NXPE2: variants seen among roughly 807,000 people sequenced by gnomAD.
The protein encoded by NXPE2 is neurexophilin and PC-esterase domain family member 2.
Under a neutral mutation model 34.4 loss-of-function variants are expected in NXPE2, and 34 were observed. The ratio of observed to expected loss-of-function variants is 0.99; its 90% confidence interval spans 0.75 to 1.31. NXPE2 has a LOEUF of 1.31. Among genes scored for constraint, NXPE2 ranks in the 40% most tolerant of loss-of-function variants. NXPE2 has a pLI of 0.00. For missense variants in NXPE2, 649 were observed against 672.5 expected (o/e 0.97, Z 0.39); for synonymous variants, 235 against 231.3 (o/e 1.02, Z -0.15).
chr11:114,529,098 G>A, the NXPE2 span: 1 of 327,778 alleles, frequency 3.1e-6, no homozygotes, highest in Non-Finnish European at 5.5e-6. Context: ...GAAAGCTTAT[G>A]GAAAAAAGAC....
At chr11:114,762,389 G>A in the NXPE2 span, among the ~76,000 whole-genome samples, 1 of 152,202 alleles carries the variant, frequency 6.6e-6, no homozygotes, top group African/African-American at 2.4e-5. Flanking sequence ...GACAGTCTGT[G>A]AGGCAATGAG....
the NXPE2 span, among the ~76,000 whole-genome samples, chr11:114,751,115 A>G: frequency 6.6e-6 from 1 of 152,270 alleles, no homozygotes; most frequent in Admixed American, 6.5e-5. Flanking sequence ...GGGGATAGAG[A>G]CCGAAGAAGC....
chr11:114,704,139 C>T lies in NXPE2; in HGVS notation c.928+87C>T, dbSNP rs542788239. On this transcript the variant is annotated intron_variant, in intron 4 of 5. Coordinates refer to ENST00000389586, the MANE Select transcript of NXPE2 (RefSeq NM_182495.6). ...CTTAGAGATATTTATTCCACATTAA[C>T]GATTTGATCTCTCATTTCCTGGGAC... The T allele has an allele frequency of 7.4e-5, 71 of 954,198 alleles. 1 individual carries two copies. The highest frequency in any genetic ancestry group is 2.5e-4 in the African/African-American group (15 of 60,918). 59.1% of individuals were successfully genotyped at this position (954,198 alleles called of 1,614,324 possible). A position where few individuals can be genotyped will look rare whatever the true frequency, so the allele number is the denominator to read the frequency against.
the NXPE2 span, among the ~76,000 whole-genome samples, chr11:114,624,844 G>A: frequency 0.092 from 13,931 of 152,130 alleles, 747 homozygotes; most frequent in Middle Eastern, 0.2. Context: ...GTTACCTGGT[G>A]GATAATAAGT....
At chr11:114,724,314 T>A in the NXPE2 span, among the ~76,000 whole-genome samples, 1 of 152,038 alleles carries the variant, frequency 6.6e-6, no homozygotes, top group South Asian at 2.1e-4. Context: ...CACCCCTGAG[T>A]GGACTGCAGA....
chr11:114,530,511 A>AC, the NXPE2 span: 1 of 1,613,900 alleles, frequency 6.2e-7, no homozygotes, highest in South Asian at 1.1e-5. Context: ...AGTGAAGCTG[A>AC]CCAGGTAGGT....
the NXPE2 span, among the ~76,000 whole-genome samples, chr11:114,538,045 T>C: frequency 6.6e-6 from 1 of 152,174 alleles, no homozygotes; most frequent in Non-Finnish European, 1.5e-5. Context: ...AAGGCTACAG[T>C]AACCAAAACA....
At chr11:114,552,763 T>C in the NXPE2 span, 4 of 418,496 alleles carry the variant, frequency 9.6e-6, no homozygotes, top group Non-Finnish European at 1.3e-5. Flanking sequence ...AAAAAAAGTA[T>C]GATTGCTATT....
At chr11:114,805,932 G>C in the NXPE2 span, among the ~76,000 whole-genome samples, 26 of 152,172 alleles carry the variant, frequency 1.7e-4, no homozygotes, top group African/African-American at 6.3e-4. Flanking sequence ...TAGCATAACT[G>C]GGAGGCACCC....
At chr11:114,735,089 A>G in the NXPE2 span, among the ~76,000 whole-genome samples, 55 of 152,102 alleles carry the variant, frequency 3.6e-4, 1 homozygote, top group Middle Eastern at 3.2e-3. Flanking sequence ...TAGCCTGGGC[A>G]ACAGAGCAAG....
At chr11:114,794,293 T>G in the NXPE2 span, among the ~76,000 whole-genome samples, 1 of 152,172 alleles carries the variant, frequency 6.6e-6, no homozygotes, top group Non-Finnish European at 1.5e-5. Context: ...TGGCTCTCAT[T>G]CTAGATGAAG....
chr11:114,503,625 T>G, the NXPE2 span, among the ~76,000 whole-genome samples: 1 of 151,910 alleles, frequency 6.6e-6, no homozygotes, highest in Non-Finnish European at 1.5e-5. Flanking sequence ...TAAAGAGGTA[T>G]AAAGTTTAAA....
chr11:114,702,469 C>T (rs1471731765), intron 3 of NXPE2, among the ~76,000 whole-genome samples: 1 of 152,144 alleles, frequency 6.6e-6, no homozygotes, highest in South Asian at 2.1e-4. Flanking sequence ...ACAAATCTTA[C>T]TCTTGTGCCA....
At chr11:114,600,025 A>G in the NXPE2 span, among the ~76,000 whole-genome samples, 2 of 152,178 alleles carry the variant, frequency 1.3e-5, no homozygotes, top group Non-Finnish European at 2.9e-5. Flanking sequence ...CAACTAACAA[A>G]TATGGCAAAA....
At chr11:114,582,169 C>A in the NXPE2 span, 2 of 1,063,572 alleles carry the variant, frequency 1.9e-6, no homozygotes, top group Non-Finnish European at 1.3e-6. Context: ...GATCCTTTCC[C>A]CAAAGGCTCT....
the NXPE2 span, among the ~76,000 whole-genome samples, chr11:114,544,517 C>T: frequency 2.6e-5 from 4 of 152,018 alleles, no homozygotes; most frequent in Admixed American, 1.3e-4. Flanking sequence ...AACAATTAGA[C>T]GTTCATACAT....
At chr11:114,581,725 T>C in the NXPE2 span, 2 of 1,610,634 alleles carry the variant, frequency 1.2e-6, no homozygotes, top group East Asian at 2.2e-5. Flanking sequence ...GAGTACTTAC[T>C]GTTGCATTTG....
the NXPE2 span, chr11:114,551,979 C>T: frequency 6.6e-6 from 1 of 152,154 alleles, no homozygotes. Context: ...CTTACCAAAT[C>T]CTCAGTGAAG....
chr11:114,560,488 A>T, the NXPE2 span, among the ~76,000 whole-genome samples: 2 of 151,880 alleles, frequency 1.3e-5, no homozygotes, highest in Non-Finnish European at 2.9e-5. Flanking sequence ...GCTGGTCTTG[A>T]ACTCCTGGGC....
Sources: gnomAD v4.1 joint callset for allele counts (sites outside exome capture counted in the v4.1 genomes callset) on GRCh38, gnomAD v4.1.1 for gene constraint, MANE v1.5 for transcripts, NCBI Gene and HGNC (gene_info 2026-07-23, HGNC 2026-07-21) for gene names.